The following CNTN4 variants were observed in gnomAD, a reference collection of about 807,000 sequenced individuals.
The protein encoded by CNTN4 is contactin 4.
CNTN4 carries 77 observed loss-of-function variants against 122.5 expected under a neutral mutation model. The observed-to-expected ratio is 0.63, with a 90% CI of 0.52 to 0.76. The LOEUF (loss-of-function observed/expected upper bound fraction) is 0.76, where lower values mean the gene tolerates loss of function less well. Among genes scored for constraint, CNTN4 ranks in the 30% least tolerant of loss-of-function variants. CNTN4 has a pLI of 0.00. For missense variants in CNTN4, 1,256 were observed against 1,259.1 expected (o/e 1.00, Z 0.04); for synonymous variants, 512 against 447.0 (o/e 1.15, Z -1.83).
In CNTN4 at chr3:2,605,851, A is replaced by G. The variant is rs141746671; in HGVS notation, c.55+34293A>G. On this transcript the variant is annotated intron_variant, in intron 4 of 24. Coordinates refer to ENST00000418658, the MANE Select transcript of CNTN4 (RefSeq NM_175607.3). Reference sequence around the variant, plus strand: ...CATGATGTTGAATTCTAGTTAAAGAAGACAAATGATAAATAATTCGAATAA... The same window carrying G: ...CATGATGTTGAATTCTAGTTAAAGAGGACAAATGATAAATAATTCGAATAA... 2.2e-4 allele frequency among the ~76,000 whole-genome samples: 34 copies of G among 152,332 alleles called. 2 individuals are homozygous for G. The Middle Eastern group carries it at 0.014, about 61-fold the overall frequency.
chr3:2,648,721 G>A (rs1600359), intron 4 of CNTN4, among the ~76,000 whole-genome samples: 78,822 of 151,890 alleles, frequency 0.52, 22,089 homozygotes, highest in East Asian at 0.73. Context: ...AGGAAGAAGC[G>A]TACATCTTTC....
intron 3 of CNTN4, among the ~76,000 whole-genome samples, chr3:2,462,867 T>G (rs1185187671): frequency 6.6e-6 from 1 of 152,208 alleles, no homozygotes; most frequent in Non-Finnish European, 1.5e-5. Flanking sequence ...ATAAAATTCC[T>G]AAAATAGTAT....
intron 3 of CNTN4, among the ~76,000 whole-genome samples, chr3:2,434,379 G>A (rs766836735): frequency 1.2e-4 from 18 of 152,166 alleles, no homozygotes; most frequent in Non-Finnish European, 2.4e-4. Context: ...TACAAGAAGA[G>A]TAAAGGGAAG....
intron 14 of CNTN4, among the ~76,000 whole-genome samples, chr3:2,990,512 A>G (rs906543106): frequency 2.0e-5 from 3 of 152,170 alleles, no homozygotes; most frequent in African/African-American, 7.2e-5. Flanking sequence ...TTTTATTATC[A>G]TCCTTCTTAT....
chr3:2,904,423 C>T (rs1487012912), intron 12 of CNTN4, among the ~76,000 whole-genome samples: 1 of 152,226 alleles, frequency 6.6e-6, no homozygotes, highest in Non-Finnish European at 1.5e-5. Context: ...CCACACTGCT[C>T]TTCTCACTAA....
chr3:2,120,391 ATATATATATATATATTTT>A (rs1330019665), intron 2 of CNTN4, among the ~76,000 whole-genome samples: 216 of 28,918 alleles, frequency 7.5e-3, no homozygotes, highest in African/African-American at 0.019. Flanking sequence ...ATATATATAT[ATATATATATATATATTTT>A]TTTTTTTTTT....
rs140627187 is a variant in CNTN4 at position 2,414,318 on chromosome 3, G to A, written c.-89+75085G>A. Among the ~76,000 whole-genome samples the A allele has an allele frequency of 4.9e-3, 749 of 152,180 alleles. 5 individuals are homozygous for A. The highest frequency in any genetic ancestry group is 0.027 in the Middle Eastern group (8 of 294). On this transcript the variant is annotated intron_variant, in intron 3 of 24. Coordinates refer to ENST00000418658, the MANE Select transcript of CNTN4 (RefSeq NM_175607.3). ...TTTCTTCTACACCATTTAGCATATT[G>A]CGTGCGCTTAGTAGATCCCACATAA...
chr3:2,612,933 G>A (rs2081562246), intron 4 of CNTN4, among the ~76,000 whole-genome samples: 1 of 152,138 alleles, frequency 6.6e-6, no homozygotes, highest in Non-Finnish European at 1.5e-5. Flanking sequence ...GAATCACTTA[G>A]TAGATCTCTT....
At chr3:2,164,428 A>G (rs979653997) in intron 2 of CNTN4, among the ~76,000 whole-genome samples, 3 of 152,186 alleles carry the variant, frequency 2.0e-5, no homozygotes, top group African/African-American at 7.2e-5. Flanking sequence ...TAGGAATTTT[A>G]GAAATAGAGA....
intron 2 of CNTN4, among the ~76,000 whole-genome samples, chr3:2,169,557 C>T (rs560173496): frequency 2.0e-5 from 3 of 151,962 alleles, no homozygotes; most frequent in Non-Finnish European, 2.9e-5. Flanking sequence ...CAGGCGCCGC[C>T]ACCACGCCCG....
chr3:2,456,662 G>A (rs1469484823), intron 3 of CNTN4, among the ~76,000 whole-genome samples: 1 of 152,054 alleles, frequency 6.6e-6, no homozygotes, highest in Non-Finnish European at 1.5e-5. Flanking sequence ...AGCATGATAT[G>A]TCTGAGACTC....
chr3:2,475,542 T>C (rs1276201983), intron 3 of CNTN4, among the ~76,000 whole-genome samples: 1 of 152,164 alleles, frequency 6.6e-6, no homozygotes. Context: ...CATTTCAAAA[T>C]GTAACAAATG....
chr3:2,495,656 T>C (rs1478342466), intron 3 of CNTN4, among the ~76,000 whole-genome samples: 5 of 152,126 alleles, frequency 3.3e-5, no homozygotes, highest in African/African-American at 4.8e-5. Flanking sequence ...GCGAACCCTA[T>C]TGTGAACTGC....
intron 2 of CNTN4, among the ~76,000 whole-genome samples, chr3:2,322,514 T>C (rs945986072): frequency 6.6e-6 from 1 of 152,034 alleles, no homozygotes; most frequent in Non-Finnish European, 1.5e-5. Context: ...ACAGAAGGCA[T>C]AATAGTGGTT....
chr3:2,657,024 C>G lies in CNTN4; in HGVS notation c.56-79191C>G, dbSNP rs188245416. ...TTTGATGTGATCTGGAACAGTTCACCCACTCCTACTTGGCAATAAAAATAA... is the reference window on the plus strand; with the variant it reads ...TTTGATGTGATCTGGAACAGTTCACGCACTCCTACTTGGCAATAAAAATAA... On this transcript the variant is annotated intron_variant, in intron 4 of 24. Coordinates refer to ENST00000418658, the MANE Select transcript of CNTN4 (RefSeq NM_175607.3). Among the ~76,000 whole-genome samples the G allele has an allele frequency of 4.0e-3, 610 of 152,136 alleles. 2 individuals are homozygous for G. Among genetic ancestry groups the G allele is most frequent in the Non-Finnish European group, 6.3e-3 (430 of 68,004 alleles).
chr3:2,292,563 C>T (rs1261137288), intron 2 of CNTN4, among the ~76,000 whole-genome samples: 2 of 152,216 alleles, frequency 1.3e-5, no homozygotes, highest in African/African-American at 2.4e-5. Context: ...TCTTTTATGT[C>T]CCTTTTAGGT....
intron 2 of CNTN4, among the ~76,000 whole-genome samples, chr3:2,229,235 A>G (rs1289408376): frequency 6.6e-6 from 1 of 152,166 alleles, no homozygotes; most frequent in African/African-American, 2.4e-5. Flanking sequence ...ACCACAGTAA[A>G]TGATTATTGC....
intron 4 of CNTN4, among the ~76,000 whole-genome samples, chr3:2,680,612 A>G (rs1164013382): frequency 6.6e-6 from 1 of 152,192 alleles, no homozygotes; most frequent in Non-Finnish European, 1.5e-5. Flanking sequence ...AAACTTCATT[A>G]ACGGTCTACA....
At chr3:2,901,636 G>C (rs1252112893) in intron 11 of CNTN4, among the ~76,000 whole-genome samples, 1 of 152,240 alleles carries the variant, frequency 6.6e-6, no homozygotes, top group African/African-American at 2.4e-5. Context: ...ATGCCAGGGA[G>C]TTGGTCTAGG....
Sources: allele counts gnomAD v4.1 joint callset (sites outside exome capture counted in the v4.1 genomes callset), GRCh38; gene constraint gnomAD v4.1.1; transcripts MANE v1.5; gene names NCBI Gene and HGNC (gene_info 2026-07-23, HGNC 2026-07-21).